The following VPS13B variants were observed in gnomAD, a reference collection of about 807,000 sequenced individuals.
VPS13B encodes the protein intermembrane lipid transfer protein VPS13B.
Under a neutral mutation model 426.4 loss-of-function variants are expected in VPS13B, and 285 were observed. That is an observed-to-expected ratio of 0.67 (90% CI 0.61 to 0.74). The LOEUF (loss-of-function observed/expected upper bound fraction) is 0.74. VPS13B is among the 30% of genes least tolerant of loss of function. The probability of loss-of-function intolerance (pLI) is 0.00; values close to 1 mark genes in which losing one functional copy is unlikely to be tolerated. For synonymous variants in VPS13B, 1,676 were observed against 1,676.4 expected (o/e 1.00, Z 0.01); for missense variants, 4,537 against 4,782.6 (o/e 0.95, Z 1.51).
intron 21 of VPS13B, among the ~76,000 whole-genome samples, chr8:99,423,494 C>T (rs1202319030): frequency 6.6e-6 from 1 of 151,268 alleles, no homozygotes; most frequent in Non-Finnish European, 1.5e-5. Context: ...TTTCGAACTC[C>T]TGACCTACAG....
chr8:99,516,044 A>C (rs573242743), intron 29 of VPS13B, among the ~76,000 whole-genome samples: 35 of 152,156 alleles, frequency 2.3e-4, no homozygotes, highest in African/African-American at 7.2e-4. Flanking sequence ...TTGCATCTCT[A>C]TCTGAGGTGT....
intron 40 of VPS13B, among the ~76,000 whole-genome samples, chr8:99,767,699 C>T (rs753781174): frequency 4.7e-4 from 72 of 152,160 alleles, no homozygotes; most frequent in African/African-American, 1.6e-3. Flanking sequence ...AAGGCTAAGG[C>T]GGGTAGACTG....
intron 23 of VPS13B, among the ~76,000 whole-genome samples, chr8:99,458,366 C>T (rs974152858): frequency 3.5e-5 from 5 of 143,798 alleles, no homozygotes; most frequent in East Asian, 2.1e-4. Flanking sequence ...CGAATAGTGC[C>T]GCTATAAACA....
chr8:99,423,315 G>A (rs1443094102), intron 21 of VPS13B, among the ~76,000 whole-genome samples: 1 of 151,512 alleles, frequency 6.6e-6, no homozygotes, highest in Non-Finnish European at 1.5e-5. Context: ...GGAATGCAGT[G>A]GGGCAAACTT....
chr8:99,778,939 C>G lies in VPS13B; in HGVS notation c.7687C>G (p.Leu2563Val), dbSNP rs1451188144. Residue 2563 changes from leucine to valine, a missense_variant, in exon 42 of 62, where the codon CTT becomes GTT. This residue lies in a region of VPS13B where 4,311 missense variants were observed against 4,474.3 expected (regional missense o/e 0.96). Coordinates refer to ENST00000357162, the MANE Select transcript of VPS13B (RefSeq NM_152564.5). ...AVSSDVVEKL[L>V]DCTVIVDSVF... ...TTCCAGCGATGTAGTGGAAAAGCTG[C>G]TTGACTGCACCGTGATAGTTGATTC... The G allele has an allele frequency of 2.0e-5, 32 of 1,613,832 alleles. No homozygotes were observed. The East Asian group carries it at 7.1e-4, about 36-fold the overall frequency.
chr8:99,454,782 C>T (rs1818365246), intron 23 of VPS13B, among the ~76,000 whole-genome samples: 2 of 152,210 alleles, frequency 1.3e-5, no homozygotes, highest in Admixed American at 1.3e-4. Context: ...TGTTGTTCCA[C>T]ATACTCACTA....
intron 43 of VPS13B, chr8:99,804,070 T>C (rs1813269067): frequency 6.6e-6 from 1 of 152,190 alleles, no homozygotes; most frequent in Admixed American, 6.5e-5. Context: ...CTCTTGTAAA[T>C]ATCTTGATTT....
At chr8:99,148,170 G>C (rs973904971) in intron 14 of VPS13B, among the ~76,000 whole-genome samples, 160 bp downstream of exon 14, 4 of 151,178 alleles carry the variant, frequency 2.6e-5, no homozygotes, top group Admixed American at 1.3e-4. Context: ...TTGAGGCCAA[G>C]AGTTTGAGAC....
In VPS13B at chr8:99,719,079, C is replaced by A. The variant is rs148852523; in HGVS notation, c.6658-1266C>A. On this transcript the variant is annotated intron_variant, in intron 37 of 61. Coordinates refer to ENST00000357162, the MANE Select transcript of VPS13B (RefSeq NM_152564.5). ...GTGTTGCTTTGGAGATTTTCAGTAT[C>A]TATCAGAAATCTTCATATATTTAGC... Among the ~76,000 whole-genome samples the A allele has an allele frequency of 3.9e-4, 60 of 152,300 alleles. 1 individual carries two copies. The East Asian group carries it at 8.1e-3, about 21-fold the overall frequency.
Position 99,804,792 on chromosome 8 carries a change from GA to G in VPS13B, c.7942-4582del, listed in dbSNP as rs558274009. Among the ~76,000 whole-genome samples, 181 of 152,096 alleles carry G rather than the reference GA, an allele frequency of 1.2e-3. 1 individual carries two copies. Among genetic ancestry groups the G allele is most frequent in the African/African-American group, 4.3e-3 (177 of 41,502 alleles). On this transcript the variant is annotated intron_variant, in intron 43 of 61. Coordinates refer to ENST00000357162, the MANE Select transcript of VPS13B (RefSeq NM_152564.5). ...GAATTGATTGAGGCCAGGAGTTCAA[GA>G]CCACCCTGGGCAAAATAACAAGACC... is the stretch of plus-strand genomic sequence containing the variant.
intron 32 of VPS13B, among the ~76,000 whole-genome samples, chr8:99,576,394 A>G (rs1280592315): frequency 6.6e-6 from 1 of 152,012 alleles, no homozygotes; most frequent in Admixed American, 6.6e-5. Flanking sequence ...TTTAATCCTG[A>G]ATTGGTATAC....
At position 99,760,800 on chromosome 8, in the gene VPS13B, T is replaced by C. The variant is rs558395730; in HGVS notation, c.7051-5974T>C. Among the ~76,000 whole-genome samples the C allele has an allele frequency of 4.6e-5, 7 of 152,348 alleles. No individual in the cohort carries two copies. The South Asian group carries it at 1.4e-3, about 32-fold the overall frequency. ...AAGAAAATTGTGCTTCTACTGCACA[T>C]TTACAGACTTTTCTTGTCATTATTT... On this transcript the variant is annotated intron_variant, in intron 39 of 61. Coordinates refer to ENST00000357162, the MANE Select transcript of VPS13B (RefSeq NM_152564.5).
At chr8:99,342,660 G>A (rs1811316905) in intron 19 of VPS13B, among the ~76,000 whole-genome samples, 1 of 152,114 alleles carries the variant, frequency 6.6e-6, no homozygotes, top group Non-Finnish European at 1.5e-5. Context: ...AGCCAGTTAG[G>A]CTGATACCAT....
chr8:99,659,966 C>G lies in VPS13B; in HGVS notation c.5909-1388C>G, dbSNP rs188560207. Among the ~76,000 whole-genome samples the G allele has an allele frequency of 2.8e-3, 425 of 152,290 alleles. 1 individual carries two copies. Among genetic ancestry groups the G allele is most frequent in the Non-Finnish European group, 4.7e-3 (319 of 68,010 alleles). On this transcript the variant is annotated intron_variant, in intron 34 of 61. Transcript: ENST00000357162. ...TAGCAGGTTACATAGTTCCTACAAA[C>G]TGGTTGTAGATCCTACCAGCAACAG...
intron 33 of VPS13B, among the ~76,000 whole-genome samples, chr8:99,591,702 G>GA (rs1265609408): frequency 2.2e-4 from 33 of 152,196 alleles, no homozygotes; most frequent in African/African-American, 7.9e-4. Context: ...TGACTTGCAG[G>GA]GTTTCTGCCA....
At chr8:99,234,299 T>C in intron 17 of VPS13B, 3 of 760,456 alleles carry the variant, frequency 3.9e-6, no homozygotes, top group East Asian at 4.9e-5. Flanking sequence ...TGTGTTGACT[T>C]GTTCCACATT....
intron 23 of VPS13B, among the ~76,000 whole-genome samples, chr8:99,449,121 G>A (rs1818066506): frequency 6.6e-6 from 1 of 152,050 alleles, no homozygotes; most frequent in African/African-American, 2.4e-5. Flanking sequence ...TCAGAACCAG[G>A]GCAGTGGTAA....
intron 39 of VPS13B, among the ~76,000 whole-genome samples, chr8:99,733,655 T>C (rs1833691353): frequency 6.6e-6 from 1 of 152,188 alleles, no homozygotes; most frequent in Non-Finnish European, 1.5e-5. Context: ...TCTTTACCTC[T>C]TTATCTGTCC....
At chr8:99,283,963 G>A (rs1284248433) in intron 19 of VPS13B, among the ~76,000 whole-genome samples, 2 of 151,842 alleles carry the variant, frequency 1.3e-5, no homozygotes, top group African/African-American at 2.4e-5. Flanking sequence ...ATTTTTTCCC[G>A]TTAAGAGATG....
Sources: gnomAD v4.1 joint callset for allele counts (sites outside exome capture counted in the v4.1 genomes callset) on GRCh38, gnomAD v4.1.1 for gene constraint, gnomAD v4.1.1 regional missense constraint, MANE v1.5 for transcripts, NCBI Gene and HGNC (gene_info 2026-07-23, HGNC 2026-07-21) for gene names.